Variants in ZNF681 observed in about 807,000 individuals in gnomAD.
ZNF681 encodes the protein zinc finger protein 681.
In ZNF681, 37 loss-of-function variants were observed where a neutral mutation model predicts 56.0. The ratio of observed to expected loss-of-function variants is 0.66; its 90% CI spans 0.51 to 0.87. The LOEUF is 0.87. ZNF681 is among the 40% of genes least tolerant of loss of function. The probability of loss-of-function intolerance (pLI) is 0.00; values close to 1 mark genes in which losing one functional copy is unlikely to be tolerated. For missense variants in ZNF681, 741 were observed against 744.9 expected, an observed-to-expected ratio of 0.99 and a Z score of 0.06; for synonymous variants, 225 against 248.6, an observed-to-expected ratio of 0.91 and a Z score of 0.89.
Position 23,744,976 on chromosome 19 carries a change from A to C in ZNF681, c.574T>G (p.Cys192Gly). ...CATTTGTAGAAATTTACTCTAGTAC[A>C]AATTATTTTATGTTGAGTTAGGTTT... ...FSNLTQHKII[C>G]TRVNFYKCED... The change falls in exon 4 of 4, where the codon TGT becomes GGT. Residue 192 changes from cysteine (C) to glycine (G), a missense_variant. By Grantham distance (159) the Cys-to-Gly change is radical (BLOSUM62 -3). Coordinates refer to ENST00000402377, the MANE Select transcript of ZNF681 (RefSeq NM_138286.3). The C allele has an allele frequency of 1.2e-6, 2 of 1,601,300 alleles. No individual in the cohort carries two copies. Among genetic ancestry groups the C allele is most frequent in the East Asian group, 2.2e-5 (1 of 44,788 alleles).
chr19:23,753,151 C>T (rs906714326), intron 3 of ZNF681, among the ~76,000 whole-genome samples: 21 of 152,410 alleles, frequency 1.4e-4, no homozygotes, highest in Non-Finnish European at 2.8e-4. Flanking sequence ...GTAATCCCAG[C>T]ACTTTGGGAG....
intron 3 of ZNF681, 107 bp downstream of exon 3, chr19:23,754,716 C>A: frequency 2.1e-6 from 2 of 931,726 alleles, no homozygotes; most frequent in South Asian, 1.5e-5. Flanking sequence ...GAAACTATTT[C>A]CTTTGGAATA....
At chr19:23,747,906 G>A (rs543118664) in intron 3 of ZNF681, among the ~76,000 whole-genome samples, 1 of 152,114 alleles carries the variant, frequency 6.6e-6, no homozygotes, top group South Asian at 2.1e-4. Context: ...ACTTTGCCAT[G>A]AGCACACAAT....
intron 3 of ZNF681, among the ~76,000 whole-genome samples, chr19:23,746,232 T>C (rs1262520088): frequency 1.3e-5 from 2 of 151,834 alleles, no homozygotes; most frequent in Non-Finnish European, 2.9e-5. Context: ...GAGAATCACT[T>C]GAATCTGGGA....
In ZNF681 at chr19:23,754,877, G is replaced by C. The variant is rs768051783; in HGVS notation, c.172C>G (p.Gln58Glu). The C allele has an allele frequency of 1.2e-6, 2 of 1,613,898 alleles. No homozygotes were observed. Among genetic ancestry groups the C allele is most frequent in the Non-Finnish European group, 1.7e-6 (2 of 1,179,966 alleles). The change falls in exon 3 of 4, where the codon CAA becomes GAA. Residue 58 changes from glutamine (Q) to glutamate (E), a missense_variant. Physicochemically the swap from Gln to Glu is conservative, Grantham distance 29 (BLOSUM62 2). Coordinates refer to ENST00000402377, the MANE Select transcript of ZNF681 (RefSeq NM_138286.3). ...TTTCTAGTCCAAGGCTCTTTTTCTT[G>C]TTCCAGACAGGTGATCAGGTCTGGC... ...SKPDLITCLE[Q>E]EKEPWTRKRH... is the part of the protein sequence containing the mutation.
At chr19:23,753,067 G>C (rs528872280) in intron 3 of ZNF681, among the ~76,000 whole-genome samples, 82 of 151,868 alleles carry the variant, frequency 5.4e-4, no homozygotes, top group South Asian at 1.0e-3. Flanking sequence ...ACAAGTTATG[G>C]TTCCATACAC....
chr19:23,744,953 T>C lies in ZNF681; in HGVS notation c.597A>G (p.Lys199=). The C allele has an allele frequency of 1.9e-6, 3 of 1,602,146 alleles. No individual in the cohort carries two copies. The highest frequency in any genetic ancestry group is 1.1e-5 in the South Asian group (1 of 88,334). Residue 199 remains lysine, a synonymous_variant, in exon 4 of 4, where the codon AAA becomes AAG. Coordinates refer to ENST00000402377, the MANE Select transcript of ZNF681 (RefSeq NM_138286.3). Reference sequence around the variant, plus strand: ...TAAAGGCTTTTCCACAGTCTTCACATTTGTAGAAATTTACTCTAGTACAAA... The same window carrying C: ...TAAAGGCTTTTCCACAGTCTTCACACTTGTAGAAATTTACTCTAGTACAAA... ...KIICTRVNFY[K]CEDCGKAFNG... is the part of the protein sequence containing the mutation.
In ZNF681 at chr19:23,741,097, A is replaced by C. The variant is rs1395076834; in HGVS notation, c.*2515T>G. 1 of 152,138 alleles carries C rather than the reference A, an allele frequency of 6.6e-6. No homozygotes were observed. The highest frequency in any genetic ancestry group is 1.5e-5 in the Non-Finnish European group (1 of 68,020). 9.4% of individuals were successfully genotyped at this position (152,138 alleles called of 1,614,324 possible). A position where few individuals can be genotyped will look rare whatever the true frequency, so the allele number is the denominator to read the frequency against. On this transcript the variant is annotated 3_prime_UTR_variant, in exon 4 of 4. Transcript: ENST00000402377. The stretch of plus-strand genomic sequence containing the variant: ...AGTTTTGCAGTCATCATCTAATTAA[A>C]ATAATTTGATTTGTTTCAATATTGC...
intron 1 of ZNF681, among the ~76,000 whole-genome samples, chr19:23,757,386 A>AT (rs755572953): frequency 9.9e-5 from 15 of 151,856 alleles, no homozygotes; most frequent in African/African-American, 3.4e-4. Flanking sequence ...TCTGTCATTG[A>AT]TTTTTTTTAA....
rs1159416098 is a variant in ZNF681 at position 23,758,824 on chromosome 19, G to C, written c.-75C>G. 9.4e-6 allele frequency: 15 copies of C among 1,595,762 alleles called. No homozygotes were observed. In the South Asian group the frequency reaches 1.7e-4, roughly 18 times the overall value. ...TGCAGGTCAGAGGGCCATAGAGGCT[G>C]GGCCTCTAGAAGAAGAGGACACAGA... On this transcript the variant is annotated 5_prime_UTR_variant, in exon 1 of 4. Coordinates refer to ENST00000402377, the MANE Select transcript of ZNF681 (RefSeq NM_138286.3).
At chr19:23,754,953 T>A in intron 2 of ZNF681, 35 bp from the exon 3 acceptor site, 1 of 1,556,798 alleles carries the variant, frequency 6.4e-7, no homozygotes, top group Non-Finnish European at 8.8e-7. Context: ...TAAATCTTGC[T>A]TATATTGTCT....
At chr19:23,752,845 G>A (rs1017667221) in intron 3 of ZNF681, among the ~76,000 whole-genome samples, 8 of 152,190 alleles carry the variant, frequency 5.3e-5, no homozygotes, top group South Asian at 2.1e-4. Flanking sequence ...TTTGCCTATC[G>A]TCAATGCTTC....
intron 1 of ZNF681, among the ~76,000 whole-genome samples, chr19:23,756,024 C>A (rs1969111711): frequency 6.6e-6 from 1 of 152,058 alleles, no homozygotes; most frequent in Admixed American, 6.6e-5. Context: ...ATAAATAATT[C>A]TACTATAAAG....
At chr19:23,749,991 A>G (rs1373406083) in intron 3 of ZNF681, among the ~76,000 whole-genome samples, 1 of 149,678 alleles carries the variant, frequency 6.7e-6, no homozygotes, top group Non-Finnish European at 1.5e-5. Flanking sequence ...TCAACTAAGA[A>G]AAAAAAAAAA....
intron 3 of ZNF681, among the ~76,000 whole-genome samples, chr19:23,754,358 T>C (rs530567829): frequency 3.0e-4 from 46 of 152,270 alleles, no homozygotes; most frequent in Non-Finnish European, 6.0e-4. Flanking sequence ...GACTCCCTTA[T>C]GTGAGAGCAA....
intron 3 of ZNF681, among the ~76,000 whole-genome samples, chr19:23,749,025 A>C (rs111332054): frequency 5.3e-5 from 8 of 152,332 alleles, no homozygotes; most frequent in Non-Finnish European, 8.8e-5. Flanking sequence ...GCAATGCAGG[A>C]GCTAGAAGGC....
chr19:23,745,256 C>A lies in ZNF681; in HGVS notation c.294G>T (p.Val98=), dbSNP rs745400400. 9.4e-6 allele frequency: 15 copies of A among 1,603,922 alleles called. 1 individual carries two copies. Among genetic ancestry groups the A allele is most frequent in the South Asian group, 2.3e-5 (2 of 88,508 alleles). The change falls in exon 4 of 4, where the codon GTG becomes GTT. Residue 98 remains valine (V), a synonymous_variant. Transcript: ENST00000402377. ...CACATTTTCCATATCTTCTTGGTGTCACTTTTTGGAAAGAATCTTTTATGT... is the reference window on the plus strand; with the variant it reads ...CACATTTTCCATATCTTCTTGGTGTAACTTTTTGGAAAGAATCTTTTATGT... ...EQNIKDSFQK[V]TPRRYGKCEH...
At chr19:23,748,147 C>T (rs1262552180) in intron 3 of ZNF681, among the ~76,000 whole-genome samples, 1 of 152,052 alleles carries the variant, frequency 6.6e-6, no homozygotes, top group African/African-American at 2.4e-5. Context: ...AGTAACTACA[C>T]TACAAAATTT....
intron 3 of ZNF681, among the ~76,000 whole-genome samples, chr19:23,750,308 A>AAAAAAC (rs1969008719): frequency 3.8e-5 from 5 of 130,356 alleles, no homozygotes; most frequent in Non-Finnish European, 6.3e-5. Flanking sequence ...AAAAAACCAA[A>AAAAAAC]AAACAACTAA....
Sources: gnomAD v4.1 joint callset for allele counts (sites outside exome capture counted in the v4.1 genomes callset) on GRCh38, gnomAD v4.1.1 for gene constraint, MANE v1.5 for transcripts, NCBI Gene and HGNC (gene_info 2026-07-23, HGNC 2026-07-21) for gene names.